ARHGAP19: variants seen among roughly 807,000 people sequenced by gnomAD.
The protein encoded by ARHGAP19 is Rho GTPase activating protein 19, also known as rho GTPase-activating protein 19.
A neutral mutation model predicts 60.9 loss-of-function variants in ARHGAP19; 48 were observed. The observed-to-expected ratio is 0.79, with a 90% CI of 0.62 to 1.00. ARHGAP19 has a LOEUF of 1.00. Among genes scored for constraint, ARHGAP19 ranks in the 50% least tolerant of loss-of-function variants. The probability of loss-of-function intolerance (pLI) is 0.00; values close to 1 mark genes in which losing one functional copy is unlikely to be tolerated. For missense variants in ARHGAP19, 562 were observed against 597.2 expected (o/e 0.94, Z 0.61); for synonymous variants, 209 against 215.5 (o/e 0.97, Z 0.27).
chr10:97,232,458 C>T (rs1285765701), intron 9 of ARHGAP19, among the ~76,000 whole-genome samples: 2 of 152,078 alleles, frequency 1.3e-5, no homozygotes, highest in East Asian at 1.9e-4. Context: ...CCACTGTGCG[C>T]GGCCTCTGCC....
intron 9 of ARHGAP19, among the ~76,000 whole-genome samples, chr10:97,234,321 G>A (rs892313897): frequency 1.3e-5 from 2 of 150,914 alleles, no homozygotes; most frequent in Admixed American, 1.3e-4. Flanking sequence ...TTCATACCTA[G>A]GTGATGGGTT....
At chr10:97,270,126 T>C (rs1447261985) in intron 1 of ARHGAP19, among the ~76,000 whole-genome samples, 1 of 148,930 alleles carries the variant, frequency 6.7e-6, no homozygotes, top group Non-Finnish European at 1.5e-5. Flanking sequence ...TTGGATCTCC[T>C]AACACATAAG....
intron 1 of ARHGAP19, among the ~76,000 whole-genome samples, chr10:97,268,133 CT>C (rs1403593447): frequency 6.6e-6 from 1 of 152,220 alleles, no homozygotes; most frequent in East Asian, 1.9e-4. Flanking sequence ...AATCATCTCT[CT>C]CAAGTTCAAA....
rs542473558 is a variant in ARHGAP19 at position 97,283,490 on chromosome 10, G to A, written c.56+9082C>T. Among the ~76,000 whole-genome samples the A allele has an allele frequency of 3.9e-5, 6 of 151,968 alleles. No individual in the cohort carries two copies. The East Asian group carries it at 1.2e-3, about 30-fold the overall frequency. On this transcript the variant is annotated intron_variant, in intron 1 of 11. Transcript: ENST00000358531. ...AACTGCTTGAACCCAGGAGACGGAGGCTGCAGCAAGCTGAGATCATGCCAC... is the reference window on the plus strand; with the variant it reads ...AACTGCTTGAACCCAGGAGACGGAGACTGCAGCAAGCTGAGATCATGCCAC...
chr10:97,254,640 A>G (rs1171397593), intron 6 of ARHGAP19, among the ~76,000 whole-genome samples: 3 of 152,212 alleles, frequency 2.0e-5, no homozygotes, highest in African/African-American at 7.2e-5. Flanking sequence ...GATTTCTTGG[A>G]TATGACACCA....
Position 97,256,379 on chromosome 10 carries a change from T to C in ARHGAP19, c.866A>G (p.Asn289Ser), listed in dbSNP as rs767328023. 3 of 1,614,106 alleles carry C rather than the reference T, an allele frequency of 1.9e-6. No individual in the cohort carries two copies. Among genetic ancestry groups the C allele is most frequent in the Non-Finnish European group, 2.5e-6 (3 of 1,179,960 alleles). ...KNVTANDLQE[N>S]ITKLNSGMAF... Reference sequence around the variant, plus strand: ...CATCCCACTGTTTAACTTTGTGATATTCTCCTGAAGGTCATTTGCAGTGAC... The same window carrying C: ...CATCCCACTGTTTAACTTTGTGATACTCTCCTGAAGGTCATTTGCAGTGAC... Residue 289 changes from asparagine to serine, a missense_variant, in exon 6 of 12, where the codon AAT becomes AGT. Transcript: ENST00000358531.
At chr10:97,239,550 GGGTGTGTGTGTGTGTGTGTGTGTGTGTGT>G (rs1842440095) in intron 8 of ARHGAP19, among the ~76,000 whole-genome samples, 2 of 115,002 alleles carry the variant, frequency 1.7e-5, no homozygotes, top group East Asian at 2.4e-4. Flanking sequence ...GAGAGAGAGA[GGGTGTGTGTGTGTGTGTGTGTGTGTGTGT>G]GTGTGTGTGT....
intron 5 of ARHGAP19, 153 bp from the exon 6 acceptor site, chr10:97,256,557 C>A: frequency 1.8e-6 from 1 of 568,542 alleles, no homozygotes; most frequent in Non-Finnish European, 3.1e-6. Flanking sequence ...TTTGGTTCAT[C>A]AGGATATGAC....
At chr10:97,254,652 A>T (rs969707073) in intron 6 of ARHGAP19, among the ~76,000 whole-genome samples, 1 of 152,220 alleles carries the variant, frequency 6.6e-6, no homozygotes, top group Non-Finnish European at 1.5e-5. Flanking sequence ...ATGACACCAA[A>T]GGCACAGGCA....
At chr10:97,241,050 G>C (rs1193765343) in intron 8 of ARHGAP19, among the ~76,000 whole-genome samples, 1 of 152,216 alleles carries the variant, frequency 6.6e-6, no homozygotes, top group Non-Finnish European at 1.5e-5. Flanking sequence ...GCTGGGTGCG[G>C]TGGCTCACGC....
intron 1 of ARHGAP19, among the ~76,000 whole-genome samples, chr10:97,276,859 C>T (rs1269965801): frequency 9.9e-5 from 1 of 10,130 alleles, no homozygotes; most frequent in African/African-American, 1.2e-4. Context: ...CCCGGCCAGC[C>T]GCCCCGTCCG....
At chr10:97,243,906 C>A (rs1842524923) in intron 8 of ARHGAP19, 62 bp downstream of exon 8, 1 of 1,427,144 alleles carries the variant, frequency 7.0e-7, no homozygotes, top group Admixed American at 2.2e-5. Context: ...ATATGACCTA[C>A]TGATTCTACA....
chr10:97,257,972 G>A (rs10786320), intron 5 of ARHGAP19, among the ~76,000 whole-genome samples: 38,815 of 152,026 alleles, frequency 0.26, 5,906 homozygotes, highest in Middle Eastern at 0.34. Context: ...AAACTATGAC[G>A]TTAAGTGAAC....
chr10:97,245,713 G>C (rs1665257968), intron 7 of ARHGAP19, among the ~76,000 whole-genome samples: 1 of 151,694 alleles, frequency 6.6e-6, no homozygotes, highest in African/African-American at 2.4e-5. Flanking sequence ...ATTTGATAGA[G>C]TTTTGCCATA....
intron 11 of ARHGAP19, chr10:97,228,942 C>A: frequency 1.5e-6 from 1 of 681,036 alleles, no homozygotes. Context: ...GTGTTCACAG[C>A]TCTACCCTTA....
At position 97,265,885 on chromosome 10, in the gene ARHGAP19, C is replaced by T. The variant is rs750113055; in HGVS notation, c.297G>A (p.Arg99=). 2.5e-6 allele frequency: 4 copies of T among 1,614,030 alleles called. No individual in the cohort carries two copies. In the African/African-American group the frequency reaches 4.0e-5, roughly 16 times the overall value. ...CCTTTCGCTTGAGAGACATGAGAGA[C>T]CGGAAGAATCCTGATGCTGGGCCAG... is the stretch of plus-strand genomic sequence containing the variant. The part of the protein sequence containing the change: ...GGAGPASGFF[R]SLMSLKRKEK... The change falls in exon 2 of 12, where the codon CGG becomes CGA. Residue 99 remains arginine (R), a synonymous_variant. Transcript: ENST00000358531.
intron 1 of ARHGAP19, chr10:97,277,940 C>T (rs1320982886): frequency 1.3e-5 from 2 of 152,192 alleles, no homozygotes; most frequent in Non-Finnish European, 1.5e-5. Context: ...TTCCCATTTT[C>T]CAGAGTTAAA....
chr10:97,237,376 C>T (rs778963200), intron 8 of ARHGAP19, among the ~76,000 whole-genome samples: 4 of 151,680 alleles, frequency 2.6e-5, no homozygotes, highest in Non-Finnish European at 4.4e-5. Context: ...TGACAGACCA[C>T]GTATATGACA....
At chr10:97,284,916 T>G (rs1843134294) in intron 1 of ARHGAP19, among the ~76,000 whole-genome samples, 1 of 143,524 alleles carries the variant, frequency 7.0e-6, no homozygotes. Flanking sequence ...CAGGCTGGAG[T>G]GCAATGGTGT....
Sources: allele counts gnomAD v4.1 joint callset (sites outside exome capture counted in the v4.1 genomes callset), GRCh38; gene constraint gnomAD v4.1.1; transcripts MANE v1.5; gene names NCBI Gene and HGNC (gene_info 2026-07-23, HGNC 2026-07-21).